SLC5A1: variants seen among roughly 807,000 people sequenced by gnomAD.
The protein encoded by SLC5A1 is solute carrier family 5 member 1.
A neutral mutation model predicts 73.5 loss-of-function variants in SLC5A1; 42 were observed. That is an observed-to-expected ratio of 0.57 (90% confidence interval 0.45 to 0.74). The LOEUF (loss-of-function observed/expected upper bound fraction) is 0.74, where lower values mean the gene tolerates loss of function less well. Ranked by LOEUF, SLC5A1 falls within the 30% of genes least tolerant of loss-of-function variation. The pLI is 0.00. For synonymous variants in SLC5A1, 300 were observed against 317.4 expected (o/e 0.95, Z 0.58); for missense variants, 634 against 855.4 (o/e 0.74, Z 3.23).
chr22:32,054,018 C>A (rs1312073651), intron 2 of SLC5A1, among the ~76,000 whole-genome samples: 2 of 152,032 alleles, frequency 1.3e-5, no homozygotes, highest in Admixed American at 6.6e-5. Context: ...ACTAAAAATA[C>A]CAAAATTAGC....
rs561000939 is a variant in SLC5A1 at position 32,083,882 on chromosome 22, G to A, written c.665-557G>A. Among the ~76,000 whole-genome samples the A allele has an allele frequency of 5.4e-4, 83 of 152,328 alleles. 1 individual carries two copies. The highest frequency in any genetic ancestry group is 6.8e-3 in the Middle Eastern group (2 of 294). ...TCTCCCCAGCAGGCCTTGGGTGTTAGCTAGGCAGGCAGTGGAATGACTTAT... is the reference window on the plus strand; with the variant it reads ...TCTCCCCAGCAGGCCTTGGGTGTTAACTAGGCAGGCAGTGGAATGACTTAT... On this transcript the variant is annotated intron_variant, in intron 7 of 14. Transcript: ENST00000266088.
chr22:32,090,672 G>A (rs2094015698), intron 10 of SLC5A1, among the ~76,000 whole-genome samples: 1 of 141,424 alleles, frequency 7.1e-6, no homozygotes, highest in Admixed American at 7.4e-5. Flanking sequence ...CATTTCTCTT[G>A]GGTAGAGAGA....
intron 1 of SLC5A1, among the ~76,000 whole-genome samples, chr22:32,048,162 A>G (rs930091859): frequency 1.3e-5 from 2 of 151,982 alleles, no homozygotes; most frequent in Non-Finnish European, 2.9e-5. Flanking sequence ...AAAAAAAAAA[A>G]AAAAAAAAGG....
intron 14 of SLC5A1, among the ~76,000 whole-genome samples, chr22:32,108,724 A>G (rs1178765073): frequency 4.6e-5 from 7 of 152,108 alleles, no homozygotes; most frequent in Admixed American, 4.6e-4. Flanking sequence ...CATTAGTACA[A>G]TGAAGAAGGT....
intron 5 of SLC5A1, among the ~76,000 whole-genome samples, chr22:32,070,127 T>C (rs955007759): frequency 2.0e-5 from 3 of 151,670 alleles, no homozygotes; most frequent in Non-Finnish European, 4.4e-5. Context: ...TTCTCAAGGA[T>C]TGGAGGGCGA....
At chr22:32,098,309 T>C (rs1356593191) in intron 11 of SLC5A1, among the ~76,000 whole-genome samples, 1 of 152,276 alleles carries the variant, frequency 6.6e-6, no homozygotes, top group South Asian at 2.1e-4. Context: ...TATGGTCTTG[T>C]ATTGAGGTCA....
In SLC5A1 at chr22:32,069,619, ATATAG is replaced by A. The variant is rs140416431; in HGVS notation, c.477+1021_477+1025del. 8.0e-3 allele frequency among the ~76,000 whole-genome samples: 1,213 copies of A among 152,324 alleles called. 15 individuals carry two copies. The highest frequency in any genetic ancestry group is 0.027 in the African/African-American group (1,143 of 41,576). On this transcript the variant is annotated intron_variant, in intron 5 of 14. Transcript: ENST00000266088. ...TAGCTCAACTGAGCCATCCCATAAT[ATATAG>A]TTTAAAGTATCATGTAGTACATGAT...
At position 32,104,889 on chromosome 22, in the gene SLC5A1, TA is replaced by T. The variant is rs1158822703; in HGVS notation, c.1770del (p.Ile590MetfsTer23). 1 of 1,606,192 alleles carries T rather than the reference TA, an allele frequency of 6.2e-7. No individual in the cohort carries two copies. ...GAAGGCCCTAAGGAGACCATTGAAA[TA>T]GGTGACTTATGACCCAGAGCAGATC... is the stretch of plus-strand genomic sequence containing the variant. ...IQEGPKETIE[I>X]ETQVPEKKKG... On this transcript the variant is annotated frameshift_variant and splice_region_variant, in exon 14 of 15. Transcript: ENST00000266088. LOFTEE classifies it high-confidence loss of function.
At chr22:32,066,309 A>G (rs1046859733) in intron 2 of SLC5A1, among the ~76,000 whole-genome samples, 1 of 152,200 alleles carries the variant, frequency 6.6e-6, no homozygotes, top group African/African-American at 2.4e-5. Context: ...TGTAAAAAGT[A>G]TCAATACTGT....
intron 14 of SLC5A1, among the ~76,000 whole-genome samples, chr22:32,105,168 C>T (rs939261082): frequency 3.3e-5 from 5 of 152,062 alleles, no homozygotes; most frequent in Non-Finnish European, 7.4e-5. Flanking sequence ...TTATGAGGTA[C>T]GTGAGATGTT....
rs772938362 is a variant in SLC5A1 at position 32,043,435 on chromosome 22, G to A, written c.135+19G>A. Reference sequence around the variant, plus strand: ...ACTGTGGGTATGCAGCGGGTTCTGGGATGCGGGTGGGGAGGGTGCGCACAG... The same window carrying A: ...ACTGTGGGTATGCAGCGGGTTCTGGAATGCGGGTGGGGAGGGTGCGCACAG... On this transcript the variant is annotated intron_variant, in intron 1 of 14. Transcript: ENST00000266088. This position sits in a 1 kb window ranked among gnomAD's most constrained non-coding sequence, Gnocchi z 6.5. 15 of 1,613,234 alleles carry A rather than the reference G, an allele frequency of 9.3e-6. No individual in the cohort carries two copies. The highest frequency in any genetic ancestry group is 1.3e-5 in the Non-Finnish European group (15 of 1,179,654).
rs199577285 is a variant in SLC5A1, at chr22:32,068,615, C to T, written c.477+15C>T. On this transcript the variant is annotated intron_variant, in intron 5 of 14. Coordinates refer to ENST00000266088, the MANE Select transcript of SLC5A1 (RefSeq NM_000343.4). ...CCAAGATCTCGGTGAGTCCACTGCC[C>T]CAGAGGGCTGGGCTGTCTCAGAAGC... 12 of 1,552,306 alleles carry T rather than the reference C, an allele frequency of 7.7e-6. No individual in the cohort carries two copies. The highest frequency in any genetic ancestry group is 3.3e-5 in the Admixed American group (2 of 59,884).
chr22:32,049,162 AATCTAT>A (rs35964250), intron 1 of SLC5A1, among the ~76,000 whole-genome samples: 10,525 of 128,646 alleles, frequency 0.082, 515 homozygotes, highest in African/African-American at 0.13. Context: ...TATTATATAT[AATCTAT>A]ATCTATATCT....
chr22:32,093,730 C>T (rs988302831), intron 11 of SLC5A1, among the ~76,000 whole-genome samples: 1 of 152,074 alleles, frequency 6.6e-6, no homozygotes, highest in Non-Finnish European at 1.5e-5. Context: ...ATCAGTTCTA[C>T]AAGCATTTTG....
intron 2 of SLC5A1, chr22:32,059,099 G>T: frequency 1.0e-6 from 1 of 985,440 alleles, no homozygotes; most frequent in Non-Finnish European, 1.2e-6. Flanking sequence ...AAGCAGGACT[G>T]GATTGCAGAG....
chr22:32,091,525 A>G, intron 10 of SLC5A1, 87 bp from the exon 11 acceptor site: 1 of 1,501,802 alleles, frequency 6.7e-7, no homozygotes, highest in African/African-American at 1.4e-5. Flanking sequence ...TTCAGAAGGC[A>G]AACAAATCTT....
intron 9 of SLC5A1, 79 bp downstream of exon 9, chr22:32,085,114 G>T: frequency 6.4e-7 from 1 of 1,550,706 alleles, no homozygotes; most frequent in Non-Finnish European, 8.9e-7. Flanking sequence ...ATAGCTTCCC[G>T]CTTCCTCCTC....
intron 1 of SLC5A1, among the ~76,000 whole-genome samples, chr22:32,047,615 T>C (rs2093938844): frequency 6.6e-6 from 1 of 152,238 alleles, no homozygotes; most frequent in Non-Finnish European, 1.5e-5. Context: ...TCCCGGGTAC[T>C]GCCCAGCACA....
chr22:32,075,804 G>A (rs1156771305), intron 5 of SLC5A1, among the ~76,000 whole-genome samples: 3 of 152,100 alleles, frequency 2.0e-5, no homozygotes, highest in African/African-American at 2.4e-5. Flanking sequence ...CTTTGTCTTC[G>A]TAAATTCGGC....
Sources: allele counts gnomAD v4.1 joint callset (sites outside exome capture counted in the v4.1 genomes callset), GRCh38; gene constraint gnomAD v4.1.1; non-coding constraint Gnocchi (gnomAD v3.1); transcripts MANE v1.5; gene names NCBI Gene and HGNC (gene_info 2026-07-23, HGNC 2026-07-21).